Variants in SLC22A16 observed in about 807,000 individuals in gnomAD.
The protein encoded by SLC22A16 is solute carrier family 22 member 16, also known as WUGSC:RG331P03.1.
Under a neutral mutation model 52.9 loss-of-function variants are expected in SLC22A16, and 53 were observed. That is an observed-to-expected ratio of 1.00 (90% confidence interval 0.80 to 1.26). SLC22A16 has a LOEUF of 1.26. SLC22A16 is among the 50% of genes most tolerant of loss of function. SLC22A16 has a pLI of 0.00. For synonymous variants in SLC22A16, 291 were observed against 268.8 expected (o/e 1.08, Z -0.81); for missense variants, 726 against 704.0 (o/e 1.03, Z -0.35).
At chr6:110,446,132 C>A (rs1582549645) in intron 3 of SLC22A16, among the ~76,000 whole-genome samples, 1 of 152,148 alleles carries the variant, frequency 6.6e-6, no homozygotes, top group East Asian at 1.9e-4. Flanking sequence ...TTAGCAAGAT[C>A]ACAAGCTCCT....
intron 1 of SLC22A16, among the ~76,000 whole-genome samples, chr6:110,465,592 A>T (rs1179316201): frequency 1.3e-5 from 2 of 152,188 alleles, no homozygotes; most frequent in Non-Finnish European, 2.9e-5. Context: ...AAAGAAGTAA[A>T]AGACCTCTAC....
chr6:110,458,059 C>G (rs904856376), intron 1 of SLC22A16, among the ~76,000 whole-genome samples: 2 of 152,186 alleles, frequency 1.3e-5, no homozygotes, highest in Non-Finnish European at 2.9e-5. Flanking sequence ...ATCCTATACA[C>G]CTGGCTCTGC....
intron 2 of SLC22A16, among the ~76,000 whole-genome samples, chr6:110,453,420 T>A (rs1775459137): frequency 6.6e-6 from 1 of 152,226 alleles, no homozygotes; most frequent in Admixed American, 6.5e-5. Flanking sequence ...ATACAAAGAA[T>A]ATTCAATTTT....
intron 1 of SLC22A16, among the ~76,000 whole-genome samples, chr6:110,466,470 A>G (rs1026378135): frequency 6.6e-6 from 1 of 152,172 alleles, no homozygotes; most frequent in African/African-American, 2.4e-5. Flanking sequence ...GGCAAAGGAC[A>G]TAAACAGACA....
At chr6:110,453,015 T>C (rs1775444151) in intron 2 of SLC22A16, among the ~76,000 whole-genome samples, 1 of 152,220 alleles carries the variant, frequency 6.6e-6, no homozygotes, top group South Asian at 2.1e-4. Context: ...TGACTTTTTC[T>C]GAGTTATCAT....
In SLC22A16 at chr6:110,460,379, A is replaced by G. The variant is rs76524255; in HGVS notation, c.54-3362T>C. The stretch of plus-strand genomic sequence containing the variant: ...GGAGGAAAGAGAGCCAAGGTCTGCC[A>G]GGGAGCCCACAGGAAGAAGCTGGGG... On this transcript the variant is annotated intron_variant, in intron 1 of 7. Transcript: ENST00000368919. Among the ~76,000 whole-genome samples, 43 of 152,340 alleles carry G rather than the reference A, an allele frequency of 2.8e-4. No homozygotes were observed. The East Asian group carries it at 7.9e-3, about 28-fold the overall frequency.
Position 110,424,772 on chromosome 6 carries a change from A to T in SLC22A16, c.*101T>A. ...AATTTTCTTACAAAATTTATTAAAA[A>T]GACATACAAACAACATATGGGAGAT... On this transcript the variant is annotated 3_prime_UTR_variant, in exon 8 of 8. Coordinates refer to ENST00000368919, the MANE Select transcript of SLC22A16 (RefSeq NM_033125.4). 1 of 1,284,550 alleles carries T rather than the reference A, an allele frequency of 7.8e-7. No individual in the cohort carries two copies. Among genetic ancestry groups the T allele is most frequent in the Non-Finnish European group, 1.1e-6 (1 of 937,812 alleles). 79.6% of individuals were successfully genotyped at this position (1,284,550 alleles called of 1,614,324 possible).
At chr6:110,462,984 G>GAA (rs35732132) in intron 1 of SLC22A16, among the ~76,000 whole-genome samples, 14 of 144,832 alleles carry the variant, frequency 9.7e-5, no homozygotes, top group African/African-American at 3.0e-4. Context: ...CTTCTTAAAG[G>GAA]AAAAAAAAAA....
intron 2 of SLC22A16, among the ~76,000 whole-genome samples, chr6:110,448,782 A>C (rs1270729982): frequency 6.6e-6 from 1 of 152,186 alleles, no homozygotes; most frequent in African/African-American, 2.4e-5. Flanking sequence ...TGCTCTGTCC[A>C]CTTACCAACA....
At chr6:110,463,152 T>C (rs1582582460) in intron 1 of SLC22A16, among the ~76,000 whole-genome samples, 2 of 152,030 alleles carry the variant, frequency 1.3e-5, no homozygotes, top group Admixed American at 1.3e-4. Context: ...GAAAGGACAA[T>C]ACTTGCCACA....
rs1775029274 is a variant in SLC22A16 at position 110,442,778 on chromosome 6, G to A, written c.652-3C>T. On this transcript the variant is annotated splice_polypyrimidine_tract_variant and splice_region_variant and intron_variant, in intron 3 of 7. Coordinates refer to ENST00000368919, the MANE Select transcript of SLC22A16 (RefSeq NM_033125.4). ...ACCACAAGATAGCCACTTGCAACCT[G>A]AAAAACAAATAATAGGGATTTATAT... 6.2e-7 allele frequency: 1 copy of A among 1,609,194 alleles called. No individual in the cohort carries two copies. The highest frequency in any genetic ancestry group is 8.5e-7 in the Non-Finnish European group (1 of 1,178,014).
At chr6:110,446,619 T>G (rs1775182742) in intron 3 of SLC22A16, among the ~76,000 whole-genome samples, 1 of 152,136 alleles carries the variant, frequency 6.6e-6, no homozygotes, top group African/African-American at 2.4e-5. Context: ...AATGCCTCAG[T>G]AATTGTGACA....
At chr6:110,458,989 A>ATGTGTG (rs199594090) in intron 1 of SLC22A16, among the ~76,000 whole-genome samples, 4 of 151,638 alleles carry the variant, frequency 2.6e-5, no homozygotes, top group African/African-American at 9.7e-5. Context: ...AGTCTCATAT[A>ATGTGTG]TGTGTGTGTG....
intron 1 of SLC22A16, among the ~76,000 whole-genome samples, chr6:110,471,554 G>A (rs1193206447): frequency 1.3e-5 from 2 of 152,320 alleles, no homozygotes; most frequent in East Asian, 1.9e-4. Flanking sequence ...TGTGAAAATC[G>A]ACTAACCTCT....
At position 110,435,851 on chromosome 6, in the gene SLC22A16, C is replaced by T. The variant is rs761642512; in HGVS notation, c.1421+1G>A. 1 of 1,591,992 alleles carries T rather than the reference C, an allele frequency of 6.3e-7. No individual in the cohort carries two copies. The highest frequency in any genetic ancestry group is 2.2e-5 in the East Asian group (1 of 44,622). On this transcript the variant is annotated splice_donor_variant, in intron 6 of 7. Coordinates refer to ENST00000368919, the MANE Select transcript of SLC22A16 (RefSeq NM_033125.4). LOFTEE classifies it high-confidence loss of function. ...ACAACCAGAAAACAATTCATCCTTA[C>T]CTTACAATGGTTGGATACAGCTCAG...
At position 110,456,651 on chromosome 6, in the gene SLC22A16, C is replaced by T. The variant is rs747336340; in HGVS notation, c.420G>A (p.Ala140=). The change falls in exon 2 of 8, where the codon GCG becomes GCA. Residue 140 remains alanine (A), a synonymous_variant. Coordinates refer to ENST00000368919, the MANE Select transcript of SLC22A16 (RefSeq NM_033125.4). ...IYDQNTWKST[A]VTQWNLVCDR... ...CACAGACCAGGTTCCACTGGGTCAC[C>T]GCAGTGCTTTTCCATGTGTTCTGGT... The T allele has an allele frequency of 3.8e-5, 62 of 1,614,010 alleles. No individual in the cohort carries two copies. The highest frequency in any genetic ancestry group is 2.9e-4 in the South Asian group (26 of 91,080).
chr6:110,431,238 C>A lies in SLC22A16; in HGVS notation c.1454G>T (p.Cys485Phe), dbSNP rs752227798. The change falls in exon 7 of 8, where the codon TGT (cysteine) becomes TTT (phenylalanine). Residue 485 changes from cysteine to phenylalanine, a missense_variant. Cys to Phe is a radical substitution (Grantham distance 205). Coordinates refer to ENST00000368919, the MANE Select transcript of SLC22A16 (RefSeq NM_033125.4). ...CGGCGCCAGGATGCTGGCCAGGCGA[C>A]ACACCATGCTGCCGCTTCCCACAGC... ...SLAVGSGSMV[C>F]RLASILAPFS... 60 of 1,613,146 alleles carry A rather than the reference C, an allele frequency of 3.7e-5. No individual in the cohort carries two copies. Among genetic ancestry groups the A allele is most frequent in the Middle Eastern group, 3.3e-4 (2 of 6,084 alleles).
chr6:110,473,166 T>C (rs570011751), intron 1 of SLC22A16, among the ~76,000 whole-genome samples: 3 of 152,306 alleles, frequency 2.0e-5, no homozygotes, highest in South Asian at 4.1e-4. Context: ...ATAGATGTTA[T>C]GATGTTCACA....
At chr6:110,457,548 A>G (rs1775711409) in intron 1 of SLC22A16, among the ~76,000 whole-genome samples, 1 of 152,216 alleles carries the variant, frequency 6.6e-6, no homozygotes, top group Non-Finnish European at 1.5e-5. Context: ...GAGTTATGCT[A>G]GATATATATA....
Sources: gnomAD v4.1 joint callset for allele counts (sites outside exome capture counted in the v4.1 genomes callset) on GRCh38, gnomAD v4.1.1 for gene constraint, MANE v1.5 for transcripts, NCBI Gene and HGNC (gene_info 2026-07-23, HGNC 2026-07-21) for gene names.